The following MACROD2 variants were observed in gnomAD, a reference collection of about 807,000 sequenced individuals.
MACROD2 encodes mono-ADP ribosylhydrolase 2, also known as ADP-ribose glycohydrolase MACROD2.
Under a neutral mutation model 70.4 loss-of-function variants are expected in MACROD2, and 36 were observed. That is an observed-to-expected ratio of 0.51 (90% CI 0.39 to 0.68). MACROD2 has a LOEUF of 0.68. Ranked by LOEUF, MACROD2 falls within the 30% of genes least tolerant of loss-of-function variation. MACROD2 has a pLI of 0.00. For missense variants in MACROD2, 496 were observed against 538.4 expected, an observed-to-expected ratio of 0.92 and a Z score of 0.78; for synonymous variants, 172 against 178.8, an observed-to-expected ratio of 0.96 and a Z score of 0.30.
intron 8 of MACROD2, among the ~76,000 whole-genome samples, chr20:15,581,224 C>A (rs1351601215): frequency 1.3e-5 from 2 of 152,184 alleles, no homozygotes; most frequent in Non-Finnish European, 2.9e-5. Context: ...ATACTGGTTT[C>A]TAAGACCTGA....
At chr20:15,196,392 C>T (rs1303073988) in intron 5 of MACROD2, among the ~76,000 whole-genome samples, 1 of 152,002 alleles carries the variant, frequency 6.6e-6, no homozygotes, top group Admixed American at 6.6e-5. Context: ...TAAAATCAGT[C>T]TTAAGGAGCA....
At chr20:15,003,749 G>GGCTGTA (rs2075014096) in intron 5 of MACROD2, among the ~76,000 whole-genome samples, 1 of 152,174 alleles carries the variant, frequency 6.6e-6, no homozygotes, top group South Asian at 2.1e-4. Context: ...AGGCTGGAGA[G>GGCTGTA]AGGAGGGAAG....
chr20:15,423,683 G>A (rs6034184), intron 6 of MACROD2, among the ~76,000 whole-genome samples: 7,973 of 152,046 alleles, frequency 0.052, 672 homozygotes, highest in African/African-American at 0.18. Flanking sequence ...CCATTCATGA[G>A]GGAAGGGCTC....
At chr20:14,156,000 TA>T (rs963051036) in intron 3 of MACROD2, among the ~76,000 whole-genome samples, 1 of 151,928 alleles carries the variant, frequency 6.6e-6, no homozygotes, top group Non-Finnish European at 1.5e-5. Context: ...TGTGTCTACA[TA>T]AACTACAAAA....
chr20:14,207,352 G>T (rs2081533040), intron 3 of MACROD2, among the ~76,000 whole-genome samples: 1 of 152,018 alleles, frequency 6.6e-6, no homozygotes, highest in South Asian at 2.1e-4. Context: ...CGCCCGTCTT[G>T]GCCTCCCAAA....
At chr20:14,265,507 C>A (rs2082136666) in intron 3 of MACROD2, among the ~76,000 whole-genome samples, 1 of 151,886 alleles carries the variant, frequency 6.6e-6, no homozygotes, top group Non-Finnish European at 1.5e-5. Flanking sequence ...TTTTTTTTCA[C>A]ATTTTTTACA....
intron 3 of MACROD2, among the ~76,000 whole-genome samples, chr20:14,304,170 G>T (rs539995260): frequency 1.3e-4 from 20 of 152,030 alleles, no homozygotes; most frequent in Non-Finnish European, 2.6e-4. Context: ...ATTTCTAATA[G>T]AATTGATGTC....
intron 3 of MACROD2, chr20:14,128,132 G>T: frequency 1.9e-6 from 1 of 516,100 alleles, no homozygotes. Flanking sequence ...TTGAAATCTT[G>T]GCCCTTCCTA....
intron 9 of MACROD2, among the ~76,000 whole-genome samples, chr20:15,867,503 A>G (rs532141885): frequency 6.6e-6 from 1 of 152,224 alleles, no homozygotes; most frequent in Non-Finnish European, 1.5e-5. Flanking sequence ...ATTTATAGTT[A>G]CAGTGCACCA....
At chr20:15,242,597 C>T (rs2077069165) in intron 6 of MACROD2, among the ~76,000 whole-genome samples, 1 of 152,042 alleles carries the variant, frequency 6.6e-6, no homozygotes, top group African/African-American at 2.4e-5. Flanking sequence ...CATTGGTATT[C>T]TTTAAATGTT....
intron 3 of MACROD2, among the ~76,000 whole-genome samples, chr20:14,239,274 A>G (rs2081907899): frequency 6.6e-6 from 1 of 152,234 alleles, no homozygotes. Flanking sequence ...GGAAGAATCA[A>G]TATTGTTAAC....
chr20:14,665,818 A>G (rs2070731278), intron 4 of MACROD2, among the ~76,000 whole-genome samples: 1 of 152,020 alleles, frequency 6.6e-6, no homozygotes, highest in African/African-American at 2.4e-5. Context: ...TTATCTTCCC[A>G]TTCAAAACAT....
chr20:14,948,282 G>T (rs2074448943), intron 5 of MACROD2, among the ~76,000 whole-genome samples: 1 of 152,284 alleles, frequency 6.6e-6, no homozygotes, highest in East Asian at 1.9e-4. Context: ...GGGAATGGCT[G>T]TGAACCAAAT....
intron 8 of MACROD2, among the ~76,000 whole-genome samples, chr20:15,729,337 G>A (rs1264095399): frequency 1.3e-5 from 2 of 152,204 alleles, no homozygotes; most frequent in African/African-American, 4.8e-5. Context: ...TGTGCCATGT[G>A]AAGATTAGAA....
chr20:15,388,131 G>A (rs927200417), intron 6 of MACROD2, among the ~76,000 whole-genome samples: 2 of 152,066 alleles, frequency 1.3e-5, no homozygotes, highest in Admixed American at 1.3e-4. Flanking sequence ...TTAAGGAAGA[G>A]TAAGAGTAAG....
At chr20:15,174,223 T>C (rs2145892271) in intron 5 of MACROD2, among the ~76,000 whole-genome samples, 1 of 152,326 alleles carries the variant, frequency 6.6e-6, no homozygotes, top group East Asian at 1.9e-4. Context: ...TCTTTAAATG[T>C]ATGGTTTCTT....
chr20:15,631,284 C>T (rs1000014779), intron 8 of MACROD2, among the ~76,000 whole-genome samples: 3 of 152,170 alleles, frequency 2.0e-5, no homozygotes, highest in African/African-American at 4.8e-5. Flanking sequence ...CTGCGTGTTC[C>T]ACTGGACTAA....
At chr20:15,772,538 T>C (rs922590268) in intron 8 of MACROD2, among the ~76,000 whole-genome samples, 2 of 152,100 alleles carry the variant, frequency 1.3e-5, no homozygotes, top group Non-Finnish European at 1.5e-5. Flanking sequence ...ATATTAATTA[T>C]GTGGTTAGAA....
intron 11 of MACROD2, among the ~76,000 whole-genome samples, chr20:15,936,268 G>GTA (rs1315006482): frequency 1.3e-5 from 2 of 148,244 alleles, no homozygotes; most frequent in Non-Finnish European, 3.0e-5. Flanking sequence ...TAATGTGTGT[G>GTA]TATATATATA....
Sources: allele counts gnomAD v4.1 joint callset (sites outside exome capture counted in the v4.1 genomes callset), GRCh38; gene constraint gnomAD v4.1.1; transcripts MANE v1.5; gene names NCBI Gene and HGNC (gene_info 2026-07-23, HGNC 2026-07-21).